Variants in RGS19 observed in about 807,000 individuals in gnomAD.
The protein encoded by RGS19 is G alpha interacting protein.
RGS19 carries 9 observed loss-of-function variants against 22.0 expected under a neutral mutation model. The ratio of observed to expected loss-of-function variants is 0.41; its 90% CI spans 0.25 to 0.71. The LOEUF is 0.71. Among genes scored for constraint, RGS19 ranks in the 30% least tolerant of loss-of-function variants. The probability of loss-of-function intolerance (pLI) is 0.32; values close to 1 mark genes in which losing one functional copy is unlikely to be tolerated. For synonymous variants in RGS19, 130 were observed against 127.3 expected, an observed-to-expected ratio of 1.02 and a Z score of -0.14; for missense variants, 256 against 307.1, an observed-to-expected ratio of 0.83 and a Z score of 1.24.
intron 1 of RGS19, among the ~76,000 whole-genome samples, chr20:64,077,778 C>T (rs1344256841): frequency 2.0e-5 from 3 of 152,128 alleles, no homozygotes; most frequent in East Asian, 1.9e-4. Context: ...TTGGTTGCAC[C>T]GTCTGCAGGG....
At chr20:64,076,190 C>T (rs978419761) in intron 3 of RGS19, among the ~76,000 whole-genome samples, 3 of 152,238 alleles carry the variant, frequency 2.0e-5, no homozygotes, top group African/African-American at 7.2e-5. Context: ...CTGTGCCTGT[C>T]TTACTCCACC....
At chr20:64,077,022 G>A in intron 1 of RGS19, 68 bp from the exon 2 acceptor site, 1 of 804,564 alleles carries the variant, frequency 1.2e-6, no homozygotes, top group Non-Finnish European at 1.9e-6. Context: ...CCTTAGGAGG[G>A]GTCCTGAGAG....
At chr20:64,074,691 T>C in intron 3 of RGS19, 150 bp from the exon 4 acceptor site, 1 of 701,258 alleles carries the variant, frequency 1.4e-6, no homozygotes, top group South Asian at 1.9e-5. Flanking sequence ...GGGCACCCAC[T>C]GCAGGAGGGC....
In RGS19 at chr20:64,073,725, G is replaced by T; in HGVS notation, c.*128C>A. On this transcript the variant is annotated 3_prime_UTR_variant, in exon 6 of 6. Transcript: ENST00000395042. ...ACACAGCACTCCCCACTGGGTCTAGGACCGTCTCCGCGGGTGGGGACCCCA... is the reference window on the plus strand; with the variant it reads ...ACACAGCACTCCCCACTGGGTCTAGTACCGTCTCCGCGGGTGGGGACCCCA... 1.2e-6 allele frequency: 1 copy of T among 803,274 alleles called. No individual in the cohort carries two copies. The highest frequency in any genetic ancestry group is 1.9e-6 in the Non-Finnish European group (1 of 517,516). 49.8% of individuals were successfully genotyped at this position (803,274 alleles called of 1,614,324 possible). A position where few individuals can be genotyped will look rare whatever the true frequency, so the allele number is the denominator to read the frequency against.
At position 64,073,790 on chromosome 20, in the gene RGS19, A is replaced by C. The variant is rs911640034; in HGVS notation, c.*63T>G. 94 of 1,440,374 alleles carry C rather than the reference A, an allele frequency of 6.5e-5. No individual in the cohort carries two copies. The highest frequency in any genetic ancestry group is 7.9e-5 in the Non-Finnish European group (84 of 1,059,210). 89.2% of individuals were successfully genotyped at this position (1,440,374 alleles called of 1,614,324 possible). A position where few individuals can be genotyped will look rare whatever the true frequency, so the allele number is the denominator to read the frequency against. ...TGCCCTGACAGCCCTGCCGACAACA[A>C]CACCTGAAGGGAACCCAGAGTCGGC... is the stretch of plus-strand genomic sequence containing the variant. On this transcript the variant is annotated 3_prime_UTR_variant, in exon 6 of 6. Transcript: ENST00000395042.
intron 1 of RGS19, 139 bp from the exon 2 acceptor site, chr20:64,077,093 C>T (rs945627033): frequency 4.2e-6 from 2 of 471,618 alleles, no homozygotes; most frequent in African/African-American, 2.0e-5. Flanking sequence ...GGGCTTCTAC[C>T]CCGACCCCAA....
chr20:64,076,793 G>C, intron 2 of RGS19, 64 bp downstream of exon 2: 1 of 1,560,120 alleles, frequency 6.4e-7, no homozygotes, highest in South Asian at 1.1e-5. Context: ...GCTCCTTGTG[G>C]CCCCTCAGCT....
At position 64,076,915 on chromosome 20, in the gene RGS19, C is replaced by G. The variant is rs752237776; in HGVS notation, c.-29G>C. Reference sequence around the variant, plus strand: ...TGGGCGGAGGAGGTTGCCCAGGCTCCGTGGTACCAGCTCTCAGACCCTCAC... The same window carrying G: ...TGGGCGGAGGAGGTTGCCCAGGCTCGGTGGTACCAGCTCTCAGACCCTCAC... On this transcript the variant is annotated 5_prime_UTR_variant, in exon 2 of 6. Transcript: ENST00000395042. 2.7e-6 allele frequency: 4 copies of G among 1,505,776 alleles called. No homozygotes were observed. Among genetic ancestry groups the G allele is most frequent in the Admixed American group, 4.9e-5 (2 of 40,758 alleles). The allele number at this position is 1,505,776 out of a possible 1,614,324, so 93.3% of individuals were successfully genotyped here. A position where few individuals can be genotyped will look rare whatever the true frequency, so the allele number is the denominator to read the frequency against.
In RGS19 at chr20:64,073,667, T is replaced by C. The variant is rs1378005804; in HGVS notation, c.*186A>G. ...TGGAGGCCCGCCCTGCACCTGGAGT[T>C]CCTGCTTGGCCACGGGTGGGCAGAC... On this transcript the variant is annotated 3_prime_UTR_variant, in exon 6 of 6. Transcript: ENST00000395042. 5.2e-6 allele frequency: 3 copies of C among 573,558 alleles called. No individual in the cohort carries two copies. The highest frequency in any genetic ancestry group is 6.7e-5 in the Admixed American group (2 of 29,728). The allele number at this position is 573,558 out of a possible 1,614,324, so 35.5% of individuals were successfully genotyped here.
chr20:64,074,843 G>A (rs370003754), intron 3 of RGS19, among the ~76,000 whole-genome samples: 2 of 152,320 alleles, frequency 1.3e-5, no homozygotes, highest in Admixed American at 6.5e-5. Flanking sequence ...CCCAGTGCCC[G>A]CGAGTCTCTG....
chr20:64,073,677 C>A lies in RGS19; in HGVS notation c.*176G>T. On this transcript the variant is annotated 3_prime_UTR_variant, in exon 6 of 6. Transcript: ENST00000395042. ...CCCTGCACCTGGAGTTCCTGCTTGG[C>A]CACGGGTGGGCAGACCCAGGAGACA... 1.7e-6 allele frequency: 1 copy of A among 592,028 alleles called. No individual in the cohort carries two copies. The highest frequency in any genetic ancestry group is 2.9e-6 in the Non-Finnish European group (1 of 345,576). 36.7% of individuals were successfully genotyped at this position (592,028 alleles called of 1,614,324 possible).
intron 3 of RGS19, 82 bp from the exon 4 acceptor site, chr20:64,074,623 C>T (rs2059890163): frequency 7.5e-7 from 1 of 1,336,290 alleles, no homozygotes. Flanking sequence ...GGGCAGGCAC[C>T]TGACACACAT....
intron 1 of RGS19, among the ~76,000 whole-genome samples, chr20:64,078,089 C>T (rs965396755): frequency 6.6e-6 from 1 of 152,252 alleles, no homozygotes; most frequent in Admixed American, 6.5e-5. Flanking sequence ...ATGCTTGTTT[C>T]TGGCTGGTTG....
At position 64,079,439 on chromosome 20, in the gene RGS19, C is replaced by T. The variant is rs929961323; in HGVS notation, c.-214G>A. ...CTGCGGCGCTCTGGAGGGAGGCTAG[C>T]GCCAGGAGCCCCCGATCGGCTGGGG... On this transcript the variant is annotated 5_prime_UTR_variant, in exon 1 of 6. Coordinates refer to ENST00000395042, the MANE Select transcript of RGS19 (RefSeq NM_005873.3). This position sits in a 1 kb window ranked among gnomAD's most constrained non-coding sequence, Gnocchi z 5.1. 6.6e-6 allele frequency: 1 copy of T among 151,796 alleles called. No individual in the cohort carries two copies. Among genetic ancestry groups the T allele is most frequent in the African/African-American group, 2.4e-5 (1 of 41,354 alleles). The allele number at this position is 151,796 out of a possible 1,614,324, so 9.4% of individuals were successfully genotyped here.
chr20:64,073,803 A>G lies in RGS19; in HGVS notation c.*50T>C. ...CTGCCGACAACAACACCTGAAGGGAACCCAGAGTCGGCCGTAGGAGGCGGC... is the reference window on the plus strand; with the variant it reads ...CTGCCGACAACAACACCTGAAGGGAGCCCAGAGTCGGCCGTAGGAGGCGGC... On this transcript the variant is annotated 3_prime_UTR_variant, in exon 6 of 6. Coordinates refer to ENST00000395042, the MANE Select transcript of RGS19 (RefSeq NM_005873.3). The G allele has an allele frequency of 2.7e-6, 4 of 1,498,954 alleles. No individual in the cohort carries two copies. The allele number at this position is 1,498,954 out of a possible 1,614,324, so 92.9% of individuals were successfully genotyped here.
At position 64,075,737 on chromosome 20, in the gene RGS19, C is replaced by T. The variant is rs563653239; in HGVS notation, c.152+788G>A. ...TGCCCAGAGACGTCCCCGCCACCGC[C>T]CCCTGCTCTTCTTCCCCCACGCATG... On this transcript the variant is annotated intron_variant, in intron 3 of 5. Transcript: ENST00000395042. The surrounding 1 kb of genome is among the most constrained non-coding windows in gnomAD (Gnocchi z 4.6). Among the ~76,000 whole-genome samples, 90 of 152,338 alleles carry T rather than the reference C, an allele frequency of 5.9e-4. No homozygotes were observed. The highest frequency in any genetic ancestry group is 1.0e-3 in the Non-Finnish European group (71 of 68,028).
chr20:64,074,420 C>A, intron 4 of RGS19, 42 bp from the exon 5 acceptor site: 1 of 1,575,732 alleles, frequency 6.3e-7, no homozygotes, highest in East Asian at 2.3e-5. Context: ...CCGAGTCTCC[C>A]GGTCTGGGGC....
chr20:64,074,530 C>T lies in RGS19; in HGVS notation c.164G>A (p.Arg55Gln), dbSNP rs372955871. 3.6e-4 allele frequency: 560 copies of T among 1,561,178 alleles called. No homozygotes were observed. The highest frequency in any genetic ancestry group is 4.7e-4 in the Non-Finnish European group (537 of 1,153,454). ...CCGGGAGGCCTGCCACGCGCGCCGC[C>T]GCTCTTGGTTCCTAGTGGCAGAGAG... is the stretch of plus-strand genomic sequence containing the variant. Reference protein sequence around the residue: ...CCCSCSWNQERRRAWQASRES... With the variant: ...CCCSCSWNQEQRRAWQASRES... Residue 55 changes from arginine (R) to glutamine (Q), a missense_variant, in exon 4 of 6, where the codon CGG becomes CAG. Coordinates refer to ENST00000395042, the MANE Select transcript of RGS19 (RefSeq NM_005873.3).
chr20:64,074,453 C>A lies in RGS19; in HGVS notation c.227+14G>T. 6.3e-7 allele frequency: 1 copy of A among 1,581,894 alleles called. No homozygotes were observed. Among genetic ancestry groups the A allele is most frequent in the Admixed American group, 1.8e-5 (1 of 55,452 alleles). On this transcript the variant is annotated intron_variant, in intron 4 of 5. Coordinates refer to ENST00000395042, the MANE Select transcript of RGS19 (RefSeq NM_005873.3). ...GGCCCCCCCAGCACGCACACACCAG[C>A]CGGCTGGACTCACCATACTTCACAG...
Sources: allele counts gnomAD v4.1 joint callset (sites outside exome capture counted in the v4.1 genomes callset), GRCh38; gene constraint gnomAD v4.1.1; non-coding constraint Gnocchi (gnomAD v3.1); transcripts MANE v1.5; gene names NCBI Gene and HGNC (gene_info 2026-07-23, HGNC 2026-07-21).